The following ZFHX4 variants were observed in gnomAD, a reference collection of about 807,000 sequenced individuals.
ZFHX4 encodes zinc finger homeobox 4.
Under a neutral mutation model 267.6 loss-of-function variants are expected in ZFHX4, and 56 were observed. The observed-to-expected ratio is 0.21, with a 90% CI of 0.17 to 0.26. The LOEUF (loss-of-function observed/expected upper bound fraction) is 0.26. Among genes scored for constraint, ZFHX4 ranks in the 10% least tolerant of loss-of-function variants. ZFHX4 has a pLI of 1.00. For synonymous variants in ZFHX4, 1,778 were observed against 1,665.6 expected, an observed-to-expected ratio of 1.07 and a Z score of -1.64; for missense variants, 4,332 against 4,420.0, an observed-to-expected ratio of 0.98 and a Z score of 0.56.
At chr8:76,801,865 A>C (rs1233394492) in intron 4 of ZFHX4, among the ~76,000 whole-genome samples, 4 of 152,150 alleles carry the variant, frequency 2.6e-5, no homozygotes, top group Non-Finnish European at 5.9e-5. Flanking sequence ...AAACAACTCC[A>C]AACCTATTTC....
intron 4 of ZFHX4, among the ~76,000 whole-genome samples, chr8:76,787,031 A>G (rs926236957): frequency 6.6e-6 from 1 of 152,194 alleles, no homozygotes; most frequent in Admixed American, 6.5e-5. Context: ...CTTTTCCTGT[A>G]AATAGCATAA....
Position 76,851,031 on chromosome 8 carries a change from C to G in ZFHX4, c.4110C>G (p.Ile1370Met). ...WNKNSSKDVK[I>M]PDTLQDQLNE... ...AAAATAGCAGTAAGGATGTGAAAAT[C>G]CCCGACACACTGCAAGATCAATTAA... The change falls in exon 10 of 11, where the codon ATC becomes ATG. Residue 1370 changes from isoleucine (I) to methionine (M), a missense_variant. Around this residue, in one of 7 missense-constraint regions of ZFHX4, gnomAD observed 1,371 missense variants for 1,423.1 expected, o/e 0.96. Transcript: ENST00000651372. The G allele has an allele frequency of 1.2e-6, 2 of 1,613,906 alleles. No individual in the cohort carries two copies. The highest frequency in any genetic ancestry group is 1.1e-5 in the South Asian group (1 of 91,078).
At chr8:76,732,980 G>C (rs1346835216) in intron 3 of ZFHX4, among the ~76,000 whole-genome samples, 1 of 151,306 alleles carries the variant, frequency 6.6e-6, no homozygotes, top group Non-Finnish European at 1.5e-5. Flanking sequence ...TCCACTCAGA[G>C]CAGAGACTAT....
chr8:76,702,300 C>T (rs532708291), intron 1 of ZFHX4, among the ~76,000 whole-genome samples: 25 of 152,210 alleles, frequency 1.6e-4, no homozygotes, highest in Non-Finnish European at 2.2e-4. Context: ...ATCTCAGATA[C>T]CAAAACGAAT....
chr8:76,852,537 T>C lies in ZFHX4; in HGVS notation c.5616T>C (p.Phe1872=). Residue 1872 remains phenylalanine (F), a synonymous_variant, in exon 10 of 11, where the codon TTT becomes TTC. Transcript: ENST00000651372. ...SEKPEKPKQE[F]ISEGEGLKEG... ...AGCCAGAAAAACCAAAGCAGGAATTTATAAGTGAAGGTGAAGGACTCAAAG... is the reference window on the plus strand; with the variant it reads ...AGCCAGAAAAACCAAAGCAGGAATTCATAAGTGAAGGTGAAGGACTCAAAG... 2 of 1,610,064 alleles carry C rather than the reference T, an allele frequency of 1.2e-6. No individual in the cohort carries two copies. The highest frequency in any genetic ancestry group is 1.7e-6 in the Non-Finnish European group (2 of 1,178,020).
Position 76,705,074 on chromosome 8 carries a change from A to G in ZFHX4, c.986A>G (p.Lys329Arg), listed in dbSNP as rs749086451. ...SAIIQGIGKD[K>R]EPLISFLEPK... ...ATAATACAGGGGATTGGCAAAGACA[A>G]AGAACCTCTTATAAGCTTTCTGGAA... is the stretch of plus-strand genomic sequence containing the variant. Residue 329 changes from lysine (K) to arginine (R), a missense_variant, in exon 2 of 11, where the codon AAA (lysine) becomes AGA (arginine). Physicochemically the swap from Lys to Arg is conservative, Grantham distance 26. This residue lies in a region of ZFHX4 where 1,195 missense variants were observed against 1,173.6 expected (regional missense o/e 1.02). Transcript: ENST00000651372. The G allele has an allele frequency of 8.7e-6, 14 of 1,613,850 alleles. No individual in the cohort carries two copies. In the East Asian group the frequency reaches 3.1e-4, roughly 36 times the overall value.
chr8:76,761,226 T>G (rs1563506826), intron 3 of ZFHX4, among the ~76,000 whole-genome samples: 1 of 152,278 alleles, frequency 6.6e-6, no homozygotes, highest in African/African-American at 2.4e-5. Context: ...GGAATGCAAC[T>G]ATCAGGTACA....
At chr8:76,809,881 A>C (rs1388723068) in intron 4 of ZFHX4, among the ~76,000 whole-genome samples, 1 of 152,200 alleles carries the variant, frequency 6.6e-6, no homozygotes, top group Non-Finnish European at 1.5e-5. Flanking sequence ...ACGTTGATTG[A>C]TATTTGACCA....
At chr8:76,739,152 C>T (rs1809250324) in intron 3 of ZFHX4, among the ~76,000 whole-genome samples, 1 of 152,142 alleles carries the variant, frequency 6.6e-6, no homozygotes, top group Non-Finnish European at 1.5e-5. Flanking sequence ...AAAACCATAT[C>T]ATTCTGTCAT....
At chr8:76,767,275 T>G (rs1016375488) in intron 3 of ZFHX4, among the ~76,000 whole-genome samples, 1 of 152,170 alleles carries the variant, frequency 6.6e-6, no homozygotes, top group African/African-American at 2.4e-5. Flanking sequence ...CTTGCATTTA[T>G]TCAATGAGAT....
rs199874527 is a variant in ZFHX4 at position 76,863,212 on chromosome 8, ACCT to A, written c.9517_9519del (p.Pro3173del). ...TGCTGCAGACTCCACCACCTCCACC[ACCT>A]CCTCCTCCTCCTCCTCCTTCATCCT... is the stretch of plus-strand genomic sequence containing the variant. On this transcript the variant is annotated inframe_deletion, in exon 11 of 11. Transcript: ENST00000651372. The A allele has an allele frequency of 5.3e-4, 832 of 1,563,514 alleles. 7 individuals are homozygous for A. The East Asian group carries it at 6.6e-3, about 12-fold the overall frequency.
intron 4 of ZFHX4, among the ~76,000 whole-genome samples, chr8:76,794,726 A>G (rs551272063): frequency 6.6e-6 from 1 of 152,346 alleles, no homozygotes; most frequent in Non-Finnish European, 1.5e-5. Context: ...ACTCAAAAAA[A>G]GAATTAAGTG....
rs146238664 is a variant in ZFHX4, at chr8:76,741,560, G to A, written c.3093+33512G>A. On this transcript the variant is annotated intron_variant, in intron 3 of 10. Coordinates refer to ENST00000651372, the MANE Select transcript of ZFHX4 (RefSeq NM_024721.5). ...AATGAGTTATTAAATTTGCATTTGT[G>A]TGGGCCAAGACTCAGAAGTCATCAA... Among the ~76,000 whole-genome samples the A allele has an allele frequency of 2.7e-3, 406 of 152,230 alleles. 1 individual carries two copies. The highest frequency in any genetic ancestry group is 9.4e-3 in the African/African-American group (391 of 41,540).
chr8:76,782,796 A>C (rs142134780), intron 4 of ZFHX4, among the ~76,000 whole-genome samples: 14 of 152,146 alleles, frequency 9.2e-5, no homozygotes, highest in African/African-American at 2.9e-4. Context: ...CCCCCGGCGA[A>C]GGACAGAATA....
chr8:76,819,142 GTTTTTT>G (rs11361228), intron 4 of ZFHX4, among the ~76,000 whole-genome samples: 1 of 127,614 alleles, frequency 7.8e-6, no homozygotes, highest in East Asian at 2.4e-4. Flanking sequence ...GCTCATAAAG[GTTTTTT>G]TTTTTTTTTT....
chr8:76,822,979 T>C (rs186518971), intron 4 of ZFHX4, among the ~76,000 whole-genome samples: 17 of 152,306 alleles, frequency 1.1e-4, no homozygotes, highest in Admixed American at 1.1e-3. Context: ...CTCAAATTCA[T>C]GTTCAAAATT....
At chr8:76,689,606 A>G (rs1388192439) in intron 1 of ZFHX4, among the ~76,000 whole-genome samples, 1 of 152,092 alleles carries the variant, frequency 6.6e-6, no homozygotes, top group Non-Finnish European at 1.5e-5. Flanking sequence ...ATTCTTGCAT[A>G]AGGATTGTGC....
At position 76,855,126 on chromosome 8, in the gene ZFHX4, G is replaced by T. The variant is rs1204322422; in HGVS notation, c.8205G>T (p.Leu2735Phe). 1.2e-6 allele frequency: 2 copies of T among 1,613,584 alleles called. No homozygotes were observed. The highest frequency in any genetic ancestry group is 1.7e-6 in the Non-Finnish European group (2 of 1,179,724). Residue 2735 changes from leucine (L) to phenylalanine (F), a missense_variant, in exon 10 of 11, where the codon TTG becomes TTT. This residue lies in a region of ZFHX4 where 1,648 missense variants were observed against 1,625.0 expected (regional missense o/e 1.01). Coordinates refer to ENST00000651372, the MANE Select transcript of ZFHX4 (RefSeq NM_024721.5). ...QKYIYFDYPSLPLTKIDLSSE... is the reference protein window; with the variant it reads ...QKYIYFDYPSFPLTKIDLSSE... ...ACATCTATTTTGATTACCCATCTTT[G>T]CCATTAACTAAAATTGATCTATCAA...
At chr8:76,773,190 AC>A (rs1810313965) in intron 3 of ZFHX4, among the ~76,000 whole-genome samples, 1 of 152,110 alleles carries the variant, frequency 6.6e-6, no homozygotes, top group Non-Finnish European at 1.5e-5. Context: ...ACTCCATATG[AC>A]TATTTCTTAT....
Sources: gnomAD v4.1 joint callset for allele counts (sites outside exome capture counted in the v4.1 genomes callset) on GRCh38, gnomAD v4.1.1 for gene constraint, gnomAD v4.1.1 regional missense constraint, MANE v1.5 for transcripts, NCBI Gene and HGNC (gene_info 2026-07-23, HGNC 2026-07-21) for gene names.